RIMOC1: variants seen among roughly 807,000 people sequenced by gnomAD.
The protein encoded by RIMOC1 is RAB7A interacting MON1-CCZ1 complex subunit 1.
chr5:41,913,370 T>C, the RIMOC1 span, among the ~76,000 whole-genome samples: 26,787 of 152,204 alleles, frequency 0.18, 2,552 homozygotes, highest in Middle Eastern at 0.29. Flanking sequence ...GGTTGGCAAC[T>C]ATAAATTTCT....
chr5:41,910,966 C>T, the RIMOC1 span: 105,034 of 1,490,104 alleles, frequency 0.07, 4,309 homozygotes, highest in Non-Finnish European at 0.082. Flanking sequence ...TGTTTTTAAT[C>T]GATGAGTTTT....
the RIMOC1 span, among the ~76,000 whole-genome samples, chr5:41,905,435 T>C: frequency 6.6e-6 from 1 of 152,230 alleles, no homozygotes; most frequent in Non-Finnish European, 1.5e-5. Flanking sequence ...CTCGCCCGGC[T>C]AACTTTGGCA....
chr5:41,911,011 T>C, the RIMOC1 span: 2 of 1,592,282 alleles, frequency 1.3e-6, no homozygotes, highest in South Asian at 2.4e-5. Context: ...GACATCCAGT[T>C]TCCCTTTTTA....
chr5:41,913,437 G>A, the RIMOC1 span, among the ~76,000 whole-genome samples: 2 of 152,114 alleles, frequency 1.3e-5, no homozygotes, highest in Admixed American at 1.3e-4. Flanking sequence ...GCATCATCTG[G>A]GTTTTAGACT....
At chr5:41,908,666 T>C in the RIMOC1 span, among the ~76,000 whole-genome samples, 7 of 152,244 alleles carry the variant, frequency 4.6e-5, no homozygotes, top group East Asian at 1.3e-3. Flanking sequence ...TTGGCAGGTA[T>C]TTTGCTTGGT....
chr5:41,905,772 T>G, the RIMOC1 span, among the ~76,000 whole-genome samples: 1 of 152,268 alleles, frequency 6.6e-6, no homozygotes, highest in Non-Finnish European at 1.5e-5. Flanking sequence ...TAAAAAGCCA[T>G]TCTCATTTCC....
the RIMOC1 span, chr5:41,917,463 T>A: frequency 7.4e-7 from 1 of 1,349,320 alleles, no homozygotes; most frequent in African/African-American, 1.5e-5. Flanking sequence ...ATCTTTTTCA[T>A]TATATATTAG....
At chr5:41,917,795 C>T in the RIMOC1 span, 2 of 875,050 alleles carry the variant, frequency 2.3e-6, no homozygotes, top group Non-Finnish European at 2.7e-6. Flanking sequence ...ATTCCATTTT[C>T]AATAAGGTAA....
the RIMOC1 span, chr5:41,918,482 A>C: frequency 1.0e-6 from 1 of 985,362 alleles, no homozygotes; most frequent in Non-Finnish European, 1.2e-6. Context: ...TATATGAACT[A>C]ATCTCACCAG....
chr5:41,915,557 C>G, the RIMOC1 span, among the ~76,000 whole-genome samples: 1 of 152,172 alleles, frequency 6.6e-6, no homozygotes, highest in Non-Finnish European at 1.5e-5. Context: ...ACTCACAGTT[C>G]CTCGTTGCTG....
chr5:41,917,382 G>A, the RIMOC1 span: 1 of 1,468,512 alleles, frequency 6.8e-7, no homozygotes, highest in Non-Finnish European at 9.0e-7. Flanking sequence ...AAGACCTGTT[G>A]ATACTGAATA....
the RIMOC1 span, chr5:41,917,090 G>A: frequency 1.2e-6 from 2 of 1,613,708 alleles, no homozygotes; most frequent in African/African-American, 1.3e-5. Context: ...GAAGTATTGT[G>A]CTGATCAGCA....
chr5:41,912,506 A>G, the RIMOC1 span, among the ~76,000 whole-genome samples: 1 of 152,210 alleles, frequency 6.6e-6, no homozygotes. Flanking sequence ...TAATTTATAA[A>G]CAAGAGAGGT....
chr5:41,911,218 T>C, the RIMOC1 span: 5 of 1,568,438 alleles, frequency 3.2e-6, no homozygotes, highest in Non-Finnish European at 4.3e-6. Context: ...ATTGTTGACA[T>C]TTAGAGGTTT....
chr5:41,911,029 CT>C, the RIMOC1 span: 789 of 1,599,010 alleles, frequency 4.9e-4, no homozygotes, highest in Non-Finnish European at 6.5e-4. Flanking sequence ...TTAGCTATGT[CT>C]TTTTTTGTGT....
chr5:41,920,162 C>G, the RIMOC1 span: 1 of 152,088 alleles, frequency 6.6e-6, no homozygotes, highest in Non-Finnish European at 1.5e-5. Flanking sequence ...ACCTTCGTGA[C>G]CCTGGTAGAC....
the RIMOC1 span, chr5:41,917,680 G>T: frequency 1.0e-6 from 1 of 970,298 alleles, no homozygotes; most frequent in Non-Finnish European, 1.2e-6. Flanking sequence ...TCACTACCTT[G>T]AAGTTTGCCA....
the RIMOC1 span, among the ~76,000 whole-genome samples, chr5:41,915,460 T>A: frequency 5.4e-4 from 82 of 152,292 alleles, no homozygotes; most frequent in Non-Finnish European, 1.1e-3. Flanking sequence ...AGAACCACTA[T>A]TTATCATATA....
the RIMOC1 span, chr5:41,911,361 T>C: frequency 2.4e-6 from 1 of 425,276 alleles, no homozygotes; most frequent in Non-Finnish European, 4.0e-6. Flanking sequence ...TCAGATAACA[T>C]GTGAAAGCAC....
Sources: allele counts gnomAD v4.1 joint callset (sites outside exome capture counted in the v4.1 genomes callset), GRCh38; gene constraint gnomAD v4.1.1; transcripts MANE v1.5; gene names NCBI Gene and HGNC (gene_info 2026-07-23, HGNC 2026-07-21).